Variants in SEMA5A observed in about 807,000 individuals in gnomAD.
The protein encoded by SEMA5A is semaphorin-5A.
In SEMA5A, 55 loss-of-function variants were observed where a neutral mutation model predicts 135.5. The ratio of observed to expected loss-of-function variants is 0.41; its 90% CI spans 0.33 to 0.51. SEMA5A has a LOEUF of 0.51. Among genes scored for constraint, SEMA5A ranks in the 20% least tolerant of loss-of-function variants. The pLI is 0.37. For synonymous variants in SEMA5A, 580 were observed against 546.5 expected (o/e 1.06, Z -0.85); for missense variants, 1,290 against 1,419.9 (o/e 0.91, Z 1.47).
At chr5:9,197,728 T>TTTTG (rs1164791275) in intron 9 of SEMA5A, among the ~76,000 whole-genome samples, 5 of 59,308 alleles carry the variant, frequency 8.4e-5, no homozygotes, top group African/African-American at 3.7e-4. Context: ...GGAAAGCTGT[T>TTTTG]TGTGTGTGTG....
In SEMA5A at chr5:9,399,303, A is replaced by T. The variant is rs201403100; in HGVS notation, c.-77-19280T>A. Among the ~76,000 whole-genome samples the T allele has an allele frequency of 5.4e-4, 82 of 152,364 alleles. 1 individual carries two copies. The East Asian group carries it at 7.5e-3, about 14-fold the overall frequency. On this transcript the variant is annotated intron_variant, in intron 2 of 22. Transcript: ENST00000382496. ...GAATAAAGTGCTGACATATGCTATA[A>T]TGTGGATGCTATAACATGCTATAAG...
chr5:9,076,203 CAAAAAAAA>C (rs55743535), intron 16 of SEMA5A, among the ~76,000 whole-genome samples: 3 of 89,896 alleles, frequency 3.3e-5, no homozygotes, highest in South Asian at 4.0e-4. Context: ...GACTCCATCT[CAAAAAAAA>C]AAAAAAAAAA....
At chr5:9,051,757 G>A in intron 20 of SEMA5A, 116 bp downstream of exon 20, 1 of 1,280,534 alleles carries the variant, frequency 7.8e-7, no homozygotes, top group Non-Finnish European at 1.1e-6. Flanking sequence ...CATGGGGCTT[G>A]ATGGAATCAT....
chr5:9,177,687 T>C (rs918306448), intron 11 of SEMA5A, among the ~76,000 whole-genome samples: 3 of 152,202 alleles, frequency 2.0e-5, no homozygotes. Flanking sequence ...TCCTAGGAGA[T>C]GCAGGCCTGG....
chr5:9,330,345 A>C (rs999031786), intron 4 of SEMA5A, among the ~76,000 whole-genome samples: 7 of 151,388 alleles, frequency 4.6e-5, no homozygotes, highest in Admixed American at 1.3e-4. Flanking sequence ...AGCTGAGATC[A>C]CACCACTGCA....
intron 6 of SEMA5A, among the ~76,000 whole-genome samples, chr5:9,236,364 A>G (rs898382074): frequency 1.3e-5 from 2 of 152,202 alleles, no homozygotes; most frequent in Admixed American, 6.5e-5. Context: ...TCCAGGTCCC[A>G]TCTCATTCCT....
chr5:9,520,298 C>G (rs771766445), intron 1 of SEMA5A, among the ~76,000 whole-genome samples: 2 of 152,202 alleles, frequency 1.3e-5, no homozygotes, highest in Non-Finnish European at 2.9e-5. Context: ...GACCCACACT[C>G]CACGGGAGGA....
At chr5:9,307,896 G>A (rs1751945964) in intron 5 of SEMA5A, among the ~76,000 whole-genome samples, 1 of 135,432 alleles carries the variant, frequency 7.4e-6, no homozygotes, top group Admixed American at 8.0e-5. Context: ...TGATATACAT[G>A]ACTAACAAAT....
intron 2 of SEMA5A, among the ~76,000 whole-genome samples, chr5:9,402,881 C>T (rs916789290): frequency 6.6e-6 from 1 of 152,152 alleles, no homozygotes; most frequent in Admixed American, 6.5e-5. Flanking sequence ...GGCTTAAACC[C>T]ATCTATCAGG....
At chr5:9,382,903 C>A (rs188650820) in intron 2 of SEMA5A, among the ~76,000 whole-genome samples, 1 of 152,252 alleles carries the variant, frequency 6.6e-6, no homozygotes, top group Non-Finnish European at 1.5e-5. Flanking sequence ...TCCCATTGAC[C>A]AAAACATTCA....
chr5:9,364,983 G>A (rs995606515), intron 3 of SEMA5A, among the ~76,000 whole-genome samples: 1 of 152,168 alleles, frequency 6.6e-6, no homozygotes, highest in Non-Finnish European at 1.5e-5. Flanking sequence ...CATGTATTGA[G>A]TACTCATTGT....
At chr5:9,246,400 G>A (rs1222485291) in intron 5 of SEMA5A, among the ~76,000 whole-genome samples, 1 of 152,130 alleles carries the variant, frequency 6.6e-6, no homozygotes, top group African/African-American at 2.4e-5. Flanking sequence ...AATGCATTTG[G>A]TGGAAAATTG....
chr5:9,158,688 G>A (rs932609890), intron 11 of SEMA5A, among the ~76,000 whole-genome samples: 6 of 151,948 alleles, frequency 3.9e-5, no homozygotes, highest in Non-Finnish European at 8.8e-5. Context: ...ATTATGCTAT[G>A]GACACAAATC....
intron 6 of SEMA5A, among the ~76,000 whole-genome samples, chr5:9,227,522 T>C (rs1747379401): frequency 6.6e-6 from 1 of 151,956 alleles, no homozygotes; most frequent in Non-Finnish European, 1.5e-5. Context: ...CAACTGCATA[T>C]TTTAAATACA....
At chr5:9,421,002 C>T (rs373612896) in intron 2 of SEMA5A, among the ~76,000 whole-genome samples, 2 of 152,150 alleles carry the variant, frequency 1.3e-5, no homozygotes, top group South Asian at 2.1e-4. Context: ...GGTGACAGAG[C>T]GAGACTTTGT....
intron 12 of SEMA5A, among the ~76,000 whole-genome samples, chr5:9,151,850 G>A (rs570359475): frequency 2.2e-4 from 34 of 152,190 alleles, no homozygotes; most frequent in Non-Finnish European, 4.3e-4. Flanking sequence ...AGCTATAAAT[G>A]TCAAGCTCCT....
intron 1 of SEMA5A, among the ~76,000 whole-genome samples, chr5:9,458,624 A>G (rs1206199924): frequency 6.6e-6 from 1 of 152,212 alleles, no homozygotes; most frequent in Non-Finnish European, 1.5e-5. Flanking sequence ...GCTGTGGGAG[A>G]GAGCCAAACA....
intron 1 of SEMA5A, among the ~76,000 whole-genome samples, chr5:9,501,704 T>C (rs1210779659): frequency 6.6e-6 from 1 of 152,140 alleles, no homozygotes; most frequent in South Asian, 2.1e-4. Context: ...AGACAAAAAC[T>C]ACTCGCCAAA....
chr5:9,504,129 C>A lies in SEMA5A; in HGVS notation c.-175+41455G>T, dbSNP rs573735056. Among the ~76,000 whole-genome samples, 370 of 149,494 alleles carry A rather than the reference C, an allele frequency of 2.5e-3. 2 individuals are homozygous for A. Among genetic ancestry groups the A allele is most frequent in the Non-Finnish European group, 4.6e-3 (310 of 67,618 alleles). ...ACTGGGAAGGCTGAGGCAGGAGAAT[C>A]GCTTAAACCCAGGAGGCGGAGGCTG... On this transcript the variant is annotated intron_variant, in intron 1 of 22. Transcript: ENST00000382496.
Sources: allele counts gnomAD v4.1 joint callset (sites outside exome capture counted in the v4.1 genomes callset), GRCh38; gene constraint gnomAD v4.1.1; transcripts MANE v1.5; gene names NCBI Gene and HGNC (gene_info 2026-07-23, HGNC 2026-07-21).